TAOK1: variants seen among roughly 807,000 people sequenced by gnomAD.
TAOK1 encodes the protein TAO kinase 1.
A neutral mutation model predicts 138.3 loss-of-function variants in TAOK1; 21 were observed. That is an observed-to-expected ratio of 0.15 (90% CI 0.11 to 0.22). The LOEUF is 0.22. Ranked by LOEUF, TAOK1 falls within the 10% of genes least tolerant of loss-of-function variation. The pLI is 1.00. For missense variants in TAOK1, 651 were observed against 1,227.7 expected, an observed-to-expected ratio of 0.53 and a Z score of 7.02; for synonymous variants, 361 against 398.4, an observed-to-expected ratio of 0.91 and a Z score of 1.12.
At chr17:29,411,366 C>T (rs934444027) in intron 1 of TAOK1, among the ~76,000 whole-genome samples, 34 of 152,048 alleles carry the variant, frequency 2.2e-4, no homozygotes, top group African/African-American at 6.0e-4. Flanking sequence ...GCTGGGATTA[C>T]AGGCGTGAGC....
At chr17:29,393,378 G>GA (rs202197105) in intron 1 of TAOK1, among the ~76,000 whole-genome samples, 22 of 146,526 alleles carry the variant, frequency 1.5e-4, no homozygotes, top group South Asian at 9.1e-4. Flanking sequence ...AAGGACAACT[G>GA]AAAAAAAAAC....
intron 17 of TAOK1, among the ~76,000 whole-genome samples, chr17:29,525,270 G>A (rs1471934784): frequency 3.3e-5 from 5 of 151,842 alleles, no homozygotes; most frequent in Admixed American, 6.6e-5. Flanking sequence ...ACACCACCAC[G>A]CCCGGCTAAT....
chr17:29,518,134 G>T (rs779353752), intron 16 of TAOK1, among the ~76,000 whole-genome samples: 10 of 152,176 alleles, frequency 6.6e-5, no homozygotes, highest in Non-Finnish European at 1.3e-4. Flanking sequence ...AGGATTACAA[G>T]CATGAGCTAC....
At chr17:29,433,397 C>T (rs1905912330) in intron 1 of TAOK1, among the ~76,000 whole-genome samples, 1 of 150,520 alleles carries the variant, frequency 6.6e-6, no homozygotes, top group Admixed American at 6.6e-5. Flanking sequence ...TGCATTCCAT[C>T]CTGGGTGACA....
rs2030350049 is a variant in TAOK1, at chr17:29,455,395, C to T, written c.132+3715C>T. 2.7e-5 allele frequency among the ~76,000 whole-genome samples: 4 copies of T among 150,432 alleles called. 1 individual carries two copies. Among genetic ancestry groups the T allele is most frequent in the African/African-American group, 1.0e-4 (4 of 39,780 alleles). ...TCTGTTGGATTCTTTGAAATTTCTA[C>T]GTACAGTATTATATCATTTGCAAAT... On this transcript the variant is annotated intron_variant, in intron 2 of 19. Transcript: ENST00000261716.
chr17:29,532,552 C>G (rs1045048859), intron 18 of TAOK1, among the ~76,000 whole-genome samples: 28 of 152,014 alleles, frequency 1.8e-4, no homozygotes, highest in African/African-American at 3.6e-4. Flanking sequence ...TGACTCTTAA[C>G]GAGCATGCTG....
intron 18 of TAOK1, 53 bp from the exon 19 acceptor site, chr17:29,534,065 A>ATAGCTAACAT: frequency 6.7e-7 from 1 of 1,494,846 alleles, no homozygotes; most frequent in Non-Finnish European, 8.9e-7. Context: ...TCATGAATTG[A>ATAGCTAACAT]TAGCTAACAT....
chr17:29,466,183 G>A (rs879015415), intron 2 of TAOK1, among the ~76,000 whole-genome samples: 2 of 152,088 alleles, frequency 1.3e-5, no homozygotes, highest in African/African-American at 4.8e-5. Context: ...CAGAGTTGCT[G>A]TCCAGGCTGG....
At chr17:29,424,424 G>A (rs1018037035) in intron 1 of TAOK1, among the ~76,000 whole-genome samples, 8 of 124,672 alleles carry the variant, frequency 6.4e-5, no homozygotes, top group East Asian at 2.7e-4. Flanking sequence ...GCAACAGAGC[G>A]AGACTCCCTC....
At chr17:29,515,951 G>GTATT (rs199960608) in intron 15 of TAOK1, among the ~76,000 whole-genome samples, 2,645 of 151,902 alleles carry the variant, frequency 0.017, 71 homozygotes, top group African/African-American at 0.058. Context: ...TTTTATGTAT[G>GTATT]TATTTATTTA....
chr17:29,436,224 G>A (rs13341521), intron 1 of TAOK1, among the ~76,000 whole-genome samples: 94,435 of 152,072 alleles, frequency 0.62, 30,530 homozygotes, highest in East Asian at 0.97. Flanking sequence ...GGCACCAGGC[G>A]GAGAGAAACA....
chr17:29,528,292 G>C (rs1350985591), intron 17 of TAOK1, among the ~76,000 whole-genome samples: 1 of 151,998 alleles, frequency 6.6e-6, no homozygotes, highest in Non-Finnish European at 1.5e-5. Context: ...AAATGATCTG[G>C]CCACCTCAGC....
intron 18 of TAOK1, 27 bp downstream of exon 18, chr17:29,530,646 C>CAA (rs2032085411): frequency 6.3e-7 from 1 of 1,576,118 alleles, no homozygotes; most frequent in African/African-American, 1.3e-5. Context: ...TGGGGCAAAA[C>CAA]AAATTTAGTG....
In TAOK1 at chr17:29,480,473, G is replaced by A. The variant is rs770223672; in HGVS notation, c.555G>A (p.Thr185=). ...CACCTGCCAATTCCTTTGTGGGAACGCCGTATTGGTAAGAATAGTTAAAGC... is the reference window on the plus strand; with the variant it reads ...CACCTGCCAATTCCTTTGTGGGAACACCGTATTGGTAAGAATAGTTAAAGC... The part of the protein sequence containing the change: ...MASPANSFVG[T]PYWMAPEVIL... Residue 185 remains threonine, a synonymous_variant, in exon 7 of 20, where the codon ACG becomes ACA. Transcript: ENST00000261716. The A allele has an allele frequency of 4.3e-6, 7 of 1,612,086 alleles. No individual in the cohort carries two copies. The highest frequency in any genetic ancestry group is 2.2e-5 in the East Asian group (1 of 44,812).
chr17:29,494,281 A>G (rs116523006), intron 10 of TAOK1, among the ~76,000 whole-genome samples: 2,017 of 151,986 alleles, frequency 0.013, 43 homozygotes, highest in African/African-American at 0.045. Flanking sequence ...TGTAATTCCA[A>G]TGCTTTGGGA....
chr17:29,405,060 A>G (rs1203159205), intron 1 of TAOK1, among the ~76,000 whole-genome samples: 4 of 151,900 alleles, frequency 2.6e-5, no homozygotes, highest in East Asian at 1.9e-4. Context: ...GCTCACCGCA[A>G]CCTCCACCTC....
chr17:29,429,436 G>A (rs1567716008), intron 1 of TAOK1, among the ~76,000 whole-genome samples: 1 of 151,724 alleles, frequency 6.6e-6, no homozygotes, highest in African/African-American at 2.4e-5. Flanking sequence ...CACCAGGACC[G>A]GCTAATTTTT....
chr17:29,480,966 C>T (rs1451187532), intron 7 of TAOK1, among the ~76,000 whole-genome samples: 2 of 151,578 alleles, frequency 1.3e-5, no homozygotes, highest in South Asian at 4.2e-4. Flanking sequence ...AAATAAGATG[C>T]CCATAAGATT....
intron 8 of TAOK1, among the ~76,000 whole-genome samples, chr17:29,489,147 A>G (rs2031243952): frequency 6.6e-6 from 1 of 152,196 alleles, no homozygotes; most frequent in South Asian, 2.1e-4. Flanking sequence ...ACTCAAGTAT[A>G]TATTAAGTAT....
Sources: gnomAD v4.1 joint callset for allele counts (sites outside exome capture counted in the v4.1 genomes callset) on GRCh38, gnomAD v4.1.1 for gene constraint, MANE v1.5 for transcripts, NCBI Gene and HGNC (gene_info 2026-07-23, HGNC 2026-07-21) for gene names.